EPN2: variants seen among roughly 807,000 people sequenced by gnomAD.
EPN2 encodes the protein epsin 2.
A neutral mutation model predicts 61.7 loss-of-function variants in EPN2; 34 were observed. The ratio of observed to expected loss-of-function variants is 0.55; its 90% CI spans 0.42 to 0.73. The LOEUF (loss-of-function observed/expected upper bound fraction) is 0.73. Ranked by LOEUF, EPN2 falls within the 30% of genes least tolerant of loss-of-function variation. The pLI is 0.00. For synonymous variants in EPN2, 349 were observed against 353.6 expected (o/e 0.99, Z 0.15); for missense variants, 714 against 839.2 (o/e 0.85, Z 1.84).
Position 19,308,984 on chromosome 17 carries a change from T to C in EPN2, c.767-901T>C, listed in dbSNP as rs58392670. On this transcript the variant is annotated intron_variant, in intron 4 of 10. Transcript: ENST00000314728. ...GCTGCTTAGAAGTATTTAAACTAGC[T>C]AAGTGCACAGCAAAAGTGTCTGCAT... 8.7e-3 allele frequency among the ~76,000 whole-genome samples: 990 copies of C among 113,836 alleles called. 54 individuals are homozygous for C. In the East Asian group the frequency reaches 0.14, roughly 16 times the overall value. The allele number at this position is 113,836 out of a possible 152,430, so 74.7% of individuals were successfully genotyped here.
At chr17:19,330,582 C>T (rs1241882821) in intron 9 of EPN2, 1 of 152,356 alleles carries the variant, frequency 6.6e-6, no homozygotes, top group Non-Finnish European at 1.5e-5. Context: ...TCCTTTGCTG[C>T]ATTAATAAGA....
intron 9 of EPN2, among the ~76,000 whole-genome samples, chr17:19,330,337 C>T (rs958293476): frequency 6.6e-6 from 1 of 152,134 alleles, no homozygotes; most frequent in African/African-American, 2.4e-5. Context: ...CTGCTGCTTG[C>T]CTCCCCCAAT....
At chr17:19,292,529 A>G (rs1290897229) in intron 4 of EPN2, among the ~76,000 whole-genome samples, 1 of 152,226 alleles carries the variant, frequency 6.6e-6, no homozygotes, top group Non-Finnish European at 1.5e-5. Flanking sequence ...TACTCTAGAG[A>G]GAGTTAATCT....
At chr17:19,301,896 G>T (rs1210689006) in intron 4 of EPN2, among the ~76,000 whole-genome samples, 1 of 152,254 alleles carries the variant, frequency 6.6e-6, no homozygotes, top group Non-Finnish European at 1.5e-5. Flanking sequence ...GCCCTGCTTG[G>T]TGTGGGTGTG....
At chr17:19,289,732 T>TTTTTTTTTTTTTTTTTTTTTG (rs1555599970) in intron 4 of EPN2, among the ~76,000 whole-genome samples, 1 of 132,412 alleles carries the variant, frequency 7.6e-6, no homozygotes, top group African/African-American at 2.8e-5. Context: ...TGGTTTTTTT[T>TTTTTTTTTTTTTTTTTTTTTG]TTTTTTTTTT....
Position 19,283,053 on chromosome 17 carries a change from G to C in EPN2, c.-67G>C. 1 of 1,148,326 alleles carries C rather than the reference G, an allele frequency of 8.7e-7. No individual in the cohort carries two copies. Among genetic ancestry groups the C allele is most frequent in the African/African-American group, 1.5e-5 (1 of 65,100 alleles). 71.1% of individuals were successfully genotyped at this position (1,148,326 alleles called of 1,614,324 possible). On this transcript the variant is annotated 5_prime_UTR_variant, in exon 3 of 11. Transcript: ENST00000314728. This position sits in a 1 kb window ranked among gnomAD's most constrained non-coding sequence, Gnocchi z 7.0. ...CGGAGACTGAACCTTCATAGGGTGCGCACTTACCAAGGACAGGAAGGTTTC... is the reference window on the plus strand; with the variant it reads ...CGGAGACTGAACCTTCATAGGGTGCCCACTTACCAAGGACAGGAAGGTTTC...
chr17:19,328,392 C>T (rs145179298), intron 7 of EPN2, among the ~76,000 whole-genome samples: 171 of 152,170 alleles, frequency 1.1e-3, no homozygotes, highest in African/African-American at 3.8e-3. Context: ...GGGTTGAGCT[C>T]AGGAGCCCTT....
At position 19,335,233 on chromosome 17, in the gene EPN2, G is replaced by T; in HGVS notation, c.*979G>T. On this transcript the variant is annotated 3_prime_UTR_variant, in exon 11 of 11. Transcript: ENST00000314728. Reference sequence around the variant, plus strand: ...CTCCAGTTGCCTTTTCCTTTCTTTAGCTCCTGTTTTTGGTGAATTACTAAA... The same window carrying T: ...CTCCAGTTGCCTTTTCCTTTCTTTATCTCCTGTTTTTGGTGAATTACTAAA... The T allele has an allele frequency of 1.9e-6, 1 of 514,724 alleles. No homozygotes were observed. Among genetic ancestry groups the T allele is most frequent in the Non-Finnish European group, 3.2e-6 (1 of 314,340 alleles). 31.9% of individuals were successfully genotyped at this position (514,724 alleles called of 1,614,324 possible).
chr17:19,296,899 A>G (rs2045525690), intron 4 of EPN2: 1 of 152,264 alleles, frequency 6.6e-6, no homozygotes, highest in Non-Finnish European at 1.5e-5. Context: ...CTGAGCCATC[A>G]TGCCTGGCCA....
chr17:19,329,193 G>A (rs765076991), intron 8 of EPN2: 73 of 426,756 alleles, frequency 1.7e-4, no homozygotes, highest in Non-Finnish European at 2.5e-4. Flanking sequence ...GGGGGGCTGG[G>A]CAGGCTGGCC....
intron 1 of EPN2, among the ~76,000 whole-genome samples, chr17:19,240,959 G>GT (rs1311287608): frequency 6.6e-6 from 1 of 152,158 alleles, no homozygotes; most frequent in East Asian, 1.9e-4. Context: ...AATCACTACT[G>GT]TTGGTTCAGC....
intron 9 of EPN2, among the ~76,000 whole-genome samples, chr17:19,330,040 G>C (rs925440555): frequency 6.6e-6 from 1 of 152,174 alleles, no homozygotes; most frequent in African/African-American, 2.4e-5. Context: ...TCTGCCCTGT[G>C]TTGTCACCTC....
chr17:19,284,201 A>C (rs2045383557), intron 3 of EPN2, among the ~76,000 whole-genome samples: 1 of 152,220 alleles, frequency 6.6e-6, no homozygotes, highest in Admixed American at 6.5e-5. Context: ...TTCAGCAAAA[A>C]AACTTGTACA....
chr17:19,262,813 A>G (rs1322972254), intron 1 of EPN2, among the ~76,000 whole-genome samples: 1 of 152,176 alleles, frequency 6.6e-6, no homozygotes, highest in Non-Finnish European at 1.5e-5. Flanking sequence ...CCTGTTCTGG[A>G]CATTCCACAT....
Position 19,283,422 on chromosome 17 carries a change from C to T in EPN2, c.303C>T (p.Phe101=), listed in dbSNP as rs758650807. The change falls in exon 3 of 11, where the codon TTC becomes TTT. Residue 101 remains phenylalanine, a synonymous_variant. Transcript: ENST00000314728. The surrounding 1 kb of genome is among the most constrained non-coding windows in gnomAD (Gnocchi z 7.0). Reference sequence around the variant, plus strand: ...CCCAGCAGTGCCGGGAGAACATCTTCGCCATCCAGACCCTGAAGGACTTCC... The same window carrying T: ...CCCAGCAGTGCCGGGAGAACATCTTTGCCATCCAGACCCTGAAGGACTTCC... ...RVAQQCRENI[F]AIQTLKDFQY... is the part of the protein sequence containing the mutation. 14 of 1,614,200 alleles carry T rather than the reference C, an allele frequency of 8.7e-6. No homozygotes were observed. The highest frequency in any genetic ancestry group is 1.2e-5 in the Non-Finnish European group (14 of 1,180,038).
chr17:19,300,164 A>C (rs905070111), intron 4 of EPN2, among the ~76,000 whole-genome samples: 2 of 152,192 alleles, frequency 1.3e-5, no homozygotes, highest in African/African-American at 4.8e-5. Flanking sequence ...GGAGGGGCCA[A>C]GGAAGGAGGC....
At chr17:19,274,216 C>T (rs2045284232) in intron 1 of EPN2, 1 of 152,510 alleles carries the variant, frequency 6.6e-6, no homozygotes, top group South Asian at 2.1e-4. Context: ...AGAGTGGCAC[C>T]CCCTCAGCTC....
intron 1 of EPN2, among the ~76,000 whole-genome samples, chr17:19,280,482 C>G (rs1474689885): frequency 6.6e-6 from 1 of 152,158 alleles, no homozygotes; most frequent in Non-Finnish European, 1.5e-5. Flanking sequence ...CTTTCACAGC[C>G]TTTGCAGAAT....
At chr17:19,240,014 C>T (rs890992774) in intron 1 of EPN2, among the ~76,000 whole-genome samples, 6 of 151,356 alleles carry the variant, frequency 4.0e-5, no homozygotes, top group African/African-American at 9.7e-5. Flanking sequence ...TTAGGAGGAG[C>T]GGCAACTTTC....
Sources: allele counts gnomAD v4.1 joint callset (sites outside exome capture counted in the v4.1 genomes callset), GRCh38; gene constraint gnomAD v4.1.1; non-coding constraint Gnocchi (gnomAD v3.1); transcripts MANE v1.5; gene names NCBI Gene and HGNC (gene_info 2026-07-23, HGNC 2026-07-21).